The following GREB1L variants were observed in gnomAD, a reference collection of about 807,000 sequenced individuals.
GREB1L encodes the protein GREB1-like protein.
Under a neutral mutation model 200.8 loss-of-function variants are expected in GREB1L, and 17 were observed. The ratio of observed to expected loss-of-function variants is 0.08; its 90% confidence interval spans 0.06 to 0.13. The LOEUF (loss-of-function observed/expected upper bound fraction) is 0.13, where lower values mean the gene tolerates loss of function less well. Ranked by LOEUF, GREB1L falls within the 10% of genes least tolerant of loss-of-function variation. The pLI, the probability that GREB1L is intolerant of heterozygous loss-of-function variation, is 1.00. For synonymous variants in GREB1L, 789 were observed against 893.0 expected (o/e 0.88, Z 2.08); for missense variants, 1,657 against 2,367.7 (o/e 0.70, Z 6.23).
At chr18:21,483,285 G>A (rs952485775) in intron 17 of GREB1L, among the ~76,000 whole-genome samples, 1 of 152,180 alleles carries the variant, frequency 6.6e-6, no homozygotes, top group Admixed American at 6.5e-5. Flanking sequence ...AGGGTGAGAG[G>A]GAAACGTGAA....
chr18:21,276,668 C>T (rs2038169462), intron 1 of GREB1L, among the ~76,000 whole-genome samples: 1 of 152,092 alleles, frequency 6.6e-6, no homozygotes, highest in Admixed American at 6.6e-5. Flanking sequence ...CTTGTGACAC[C>T]TTCCTTCTGC....
chr18:21,302,094 C>CGA (rs919352695), intron 1 of GREB1L, among the ~76,000 whole-genome samples: 2 of 152,182 alleles, frequency 1.3e-5, no homozygotes, highest in African/African-American at 4.8e-5. Context: ...TCTTCCTTCT[C>CGA]TGTTTTGTTT....
intron 1 of GREB1L, among the ~76,000 whole-genome samples, chr18:21,285,885 G>A (rs2038347022): frequency 6.6e-6 from 1 of 152,150 alleles, no homozygotes; most frequent in Admixed American, 6.5e-5. Context: ...CTACAGCTTA[G>A]CATGGTCTTC....
At chr18:21,395,358 T>C in intron 4 of GREB1L, 27 bp from the exon 5 acceptor site, 4 of 1,510,488 alleles carry the variant, frequency 2.6e-6, no homozygotes, top group Non-Finnish European at 3.6e-6. Context: ...CATTTCACTG[T>C]GTCCTTTTTT....
intron 1 of GREB1L, among the ~76,000 whole-genome samples, chr18:21,276,633 C>G (rs551604413): frequency 6.6e-6 from 1 of 152,280 alleles, no homozygotes; most frequent in African/African-American, 2.4e-5. Context: ...TTAACCTTGT[C>G]TCATTCCTCA....
intron 7 of GREB1L, among the ~76,000 whole-genome samples, chr18:21,410,133 G>A (rs1346318384): frequency 6.6e-6 from 1 of 151,880 alleles, no homozygotes; most frequent in African/African-American, 2.4e-5. Context: ...TCCACCATTA[G>A]AAGAACACAT....
chr18:21,348,844 C>T (rs1357140537), intron 1 of GREB1L, among the ~76,000 whole-genome samples: 1 of 152,182 alleles, frequency 6.6e-6, no homozygotes, highest in Non-Finnish European at 1.5e-5. Context: ...ACTCGGGAAG[C>T]TGAGTTGGGA....
intron 14 of GREB1L, 142 bp downstream of exon 14, chr18:21,452,359 T>C (rs1232545343): frequency 7.5e-6 from 6 of 803,320 alleles, no homozygotes; most frequent in African/African-American, 5.3e-5. Flanking sequence ...ATAAACCTGG[T>C]TGAAATTAAA....
At chr18:21,367,942 C>T (rs1486440534) in intron 2 of GREB1L, among the ~76,000 whole-genome samples, 4 of 152,112 alleles carry the variant, frequency 2.6e-5, no homozygotes, top group African/African-American at 7.2e-5. Context: ...AGGTATTAGC[C>T]ACCTGACAGG....
At chr18:21,471,620 CTTTTTTTTTTTTT>C (rs77038675) in intron 15 of GREB1L, among the ~76,000 whole-genome samples, 95,212 of 142,562 alleles carry the variant, frequency 0.67, 35,621 homozygotes, top group Non-Finnish European at 0.85. Flanking sequence ...TCTTTTGTTT[CTTTTTTTTTTTTT>C]TTTTTTTTGA....
intron 1 of GREB1L, among the ~76,000 whole-genome samples, chr18:21,259,285 G>A (rs932832781): frequency 3.3e-5 from 5 of 152,136 alleles, no homozygotes; most frequent in Non-Finnish European, 5.9e-5. Context: ...AAATACATTT[G>A]TCACTTCTTT....
In GREB1L at chr18:21,508,479, C is replaced by A; in HGVS notation, c.4623C>A (p.Ile1541=). 1 of 1,551,722 alleles carries A rather than the reference C, an allele frequency of 6.4e-7. No homozygotes were observed. The highest frequency in any genetic ancestry group is 8.7e-7 in the Non-Finnish European group (1 of 1,146,976). ...LLNLFHAMEG[I]SHLHLLVVKE... is the part of the protein sequence containing the mutation. Reference sequence around the variant, plus strand: ...ACCTTTTCCACGCCATGGAGGGCATCAGCCACCTTCACCTCCTGGTGGTCA... The same window carrying A: ...ACCTTTTCCACGCCATGGAGGGCATAAGCCACCTTCACCTCCTGGTGGTCA... The change falls in exon 27 of 33, where the codon ATC becomes ATA. Residue 1541 remains isoleucine (I), a synonymous_variant. Transcript: ENST00000424526.
chr18:21,449,909 A>T, intron 12 of GREB1L, 73 bp downstream of exon 12: 16 of 1,217,306 alleles, frequency 1.3e-5, no homozygotes, highest in South Asian at 3.2e-5. Context: ...AATGTGTGTT[A>T]TGTGTTTCAG....
At chr18:21,499,668 T>C in intron 21 of GREB1L, 61 bp from the exon 22 acceptor site, 4 of 1,260,834 alleles carry the variant, frequency 3.2e-6, no homozygotes, top group Non-Finnish European at 4.4e-6. Flanking sequence ...CTTTGTCTGC[T>C]TCCACACCCT....
At chr18:21,462,022 T>C (rs2035066109) in intron 15 of GREB1L, among the ~76,000 whole-genome samples, 1 of 152,232 alleles carries the variant, frequency 6.6e-6, no homozygotes, top group African/African-American at 2.4e-5. Context: ...CAACCACCAC[T>C]GGCTCTGTTC....
intron 7 of GREB1L, among the ~76,000 whole-genome samples, chr18:21,412,851 A>C (rs8084123): frequency 9.4e-5 from 14 of 149,644 alleles, no homozygotes; most frequent in Non-Finnish European, 1.9e-4. Flanking sequence ...ACCCCCCCCC[A>C]CCACCAAACT....
chr18:21,434,273 G>A (rs1310698815), intron 7 of GREB1L, among the ~76,000 whole-genome samples: 24 of 151,912 alleles, frequency 1.6e-4, no homozygotes, highest in Admixed American at 1.2e-3. Flanking sequence ...TCAGTAGTTC[G>A]AGACCAGCCT....
At chr18:21,418,225 GT>G (rs2031830558) in intron 7 of GREB1L, among the ~76,000 whole-genome samples, 1 of 152,010 alleles carries the variant, frequency 6.6e-6, no homozygotes, top group Non-Finnish European at 1.5e-5. Flanking sequence ...ATCACCTGAG[GT>G]TTTACAGTGG....
At chr18:21,266,124 G>T (rs1225696490) in intron 1 of GREB1L, among the ~76,000 whole-genome samples, 2 of 152,124 alleles carry the variant, frequency 1.3e-5, no homozygotes, top group South Asian at 2.1e-4. Flanking sequence ...TATGTCTCAA[G>T]GTCTGGCTCA....
Sources: gnomAD v4.1 joint callset for allele counts (sites outside exome capture counted in the v4.1 genomes callset) on GRCh38, gnomAD v4.1.1 for gene constraint, MANE v1.5 for transcripts, NCBI Gene and HGNC (gene_info 2026-07-23, HGNC 2026-07-21) for gene names.